Variants in BCAS3 observed in about 807,000 individuals in gnomAD.
BCAS3 encodes the protein BCAS3 microtubule associated cell migration factor, also known as BCAS4/BCAS3 fusion.
Under a neutral mutation model 116.1 loss-of-function variants are expected in BCAS3, and 53 were observed. The observed-to-expected ratio is 0.46, with a 90% confidence interval of 0.37 to 0.57. The LOEUF is 0.57. BCAS3 is among the 20% of genes least tolerant of loss of function. BCAS3 has a pLI of 0.00. For synonymous variants in BCAS3, 391 were observed against 408.2 expected, an observed-to-expected ratio of 0.96 and a Z score of 0.51; for missense variants, 917 against 1,165.4, an observed-to-expected ratio of 0.79 and a Z score of 3.10.
chr17:60,711,964 C>A (rs2037977609), intron 5 of BCAS3, among the ~76,000 whole-genome samples: 1 of 151,818 alleles, frequency 6.6e-6, no homozygotes, highest in Admixed American at 6.6e-5. Flanking sequence ...GAATTCGAGA[C>A]CAGCCTGACC....
Position 61,261,961 on chromosome 17 carries a change from A to G in BCAS3, c.2426-106366A>G, listed in dbSNP as rs1013088160. Among the ~76,000 whole-genome samples the G allele has an allele frequency of 5.3e-5, 8 of 152,202 alleles. No individual in the cohort carries two copies. Among genetic ancestry groups the G allele is most frequent in the African/African-American group, 1.9e-4 (8 of 41,462 alleles). ...AAGAGAAAGCTAAGAGAGATGAGAC[A>G]AGGATGTCCACGAATACCGTTTCTA... On this transcript the variant is annotated intron_variant, in intron 22 of 23. Transcript: ENST00000407086. This position sits in a 1 kb window ranked among gnomAD's most constrained non-coding sequence, Gnocchi z 4.4.
intron 23 of BCAS3, chr17:61,384,541 C>T (rs996460218): frequency 6.6e-5 from 10 of 152,212 alleles, no homozygotes; most frequent in African/African-American, 2.2e-4. Flanking sequence ...AGTGAAGTCT[C>T]GGCCTCCTCG....
intron 10 of BCAS3, among the ~76,000 whole-genome samples, chr17:60,900,886 C>T (rs2057847745): frequency 6.6e-6 from 1 of 151,840 alleles, no homozygotes; most frequent in African/African-American, 2.4e-5. Context: ...TTGTGTAGAA[C>T]TGCTGACTCA....
intron 23 of BCAS3, among the ~76,000 whole-genome samples, chr17:61,371,008 C>T (rs1190819438): frequency 6.6e-6 from 1 of 152,160 alleles, no homozygotes; most frequent in Non-Finnish European, 1.5e-5. Flanking sequence ...ATGAGGTATC[C>T]CCAAGTGTTT....
At chr17:60,949,111 A>G (rs2145255490) in intron 14 of BCAS3, among the ~76,000 whole-genome samples, 1 of 152,090 alleles carries the variant, frequency 6.6e-6, no homozygotes, top group East Asian at 1.9e-4. Flanking sequence ...TCCTGACCTC[A>G]TGATCCACCT....
rs1361646746 is a variant in BCAS3 at position 61,204,226 on chromosome 17, C to T, written c.2425+119662C>T. Reference sequence around the variant, plus strand: ...TTTCAGTGTTTTATTTTTAAGTCAACACTTTTCTCAAGTTTATTTGTGCTA... The same window carrying T: ...TTTCAGTGTTTTATTTTTAAGTCAATACTTTTCTCAAGTTTATTTGTGCTA... On this transcript the variant is annotated intron_variant, in intron 22 of 23. Transcript: ENST00000407086. This position sits in a 1 kb window ranked among gnomAD's most constrained non-coding sequence, Gnocchi z 4.2. 6.6e-6 allele frequency among the ~76,000 whole-genome samples: 1 copy of T among 152,112 alleles called. No individual in the cohort carries two copies. Among genetic ancestry groups the T allele is most frequent in the East Asian group, 1.9e-4 (1 of 5,196 alleles).
chr17:61,298,791 ATTAT>A (rs144760223), intron 22 of BCAS3, among the ~76,000 whole-genome samples: 52,217 of 145,270 alleles, frequency 0.36, 10,248 homozygotes, highest in African/African-American at 0.42. Context: ...GTCACATGCC[ATTAT>A]TTATTTATTT....
intron 13 of BCAS3, among the ~76,000 whole-genome samples, chr17:60,929,386 C>T (rs2059523239): frequency 6.6e-6 from 1 of 152,116 alleles, no homozygotes; most frequent in African/African-American, 2.4e-5. Flanking sequence ...TCTGATCCCA[C>T]CATTGCACTC....
rs2143593954 is a variant in BCAS3 at position 61,377,812 on chromosome 17, TC to T, written c.2593+9322del. On this transcript the variant is annotated intron_variant, in intron 23 of 23. Transcript: ENST00000407086. This position sits in a 1 kb window ranked among gnomAD's most constrained non-coding sequence, Gnocchi z 4.6. The stretch of plus-strand genomic sequence containing the variant: ...TGTCAGAGCACTGCCAGGTAGACCT[TC>T]CCCTCTCCAGTTTACAAAGGAGGAA... The T allele has an allele frequency of 6.6e-6, 1 of 152,300 alleles. No individual in the cohort carries two copies. Among genetic ancestry groups the T allele is most frequent in the East Asian group, 1.9e-4 (1 of 5,190 alleles). The allele number at this position is 152,300 out of a possible 1,614,324, so 9.4% of individuals were successfully genotyped here. A position where few individuals can be genotyped will look rare whatever the true frequency, so the allele number is the denominator to read the frequency against.
chr17:60,722,044 A>G (rs1025305653), intron 5 of BCAS3, among the ~76,000 whole-genome samples: 3 of 152,174 alleles, frequency 2.0e-5, no homozygotes, highest in East Asian at 1.9e-4. Flanking sequence ...TGTAACATTA[A>G]TTTTGCTGTG....
intron 16 of BCAS3, among the ~76,000 whole-genome samples, chr17:61,024,154 C>A (rs1030761377): frequency 2.3e-4 from 35 of 152,220 alleles, no homozygotes; most frequent in Admixed American, 1.2e-3. Flanking sequence ...TATTTTCATT[C>A]CTTTGCTACT....
At chr17:61,101,315 A>C (rs2074314942) in intron 22 of BCAS3, among the ~76,000 whole-genome samples, 1 of 152,136 alleles carries the variant, frequency 6.6e-6, no homozygotes, top group Non-Finnish European at 1.5e-5. Context: ...GTGGTTTCTT[A>C]AGCTGAAAAA....
At chr17:61,297,425 GGT>G (rs897686490) in intron 22 of BCAS3, among the ~76,000 whole-genome samples, 4 of 152,110 alleles carry the variant, frequency 2.6e-5, no homozygotes, top group Admixed American at 6.5e-5. Flanking sequence ...GTGATCTAGT[GGT>G]GTGTGTGTAT....
chr17:61,040,916 T>C (rs778185270), intron 19 of BCAS3, 24 bp downstream of exon 19: 5 of 1,568,962 alleles, frequency 3.2e-6, no homozygotes, highest in Admixed American at 1.7e-5. Flanking sequence ...ATTTTTTTTT[T>C]CCTTTCGTAT....
chr17:60,957,332 A>C (rs1264369684), intron 14 of BCAS3, among the ~76,000 whole-genome samples: 1 of 152,176 alleles, frequency 6.6e-6, no homozygotes, highest in Non-Finnish European at 1.5e-5. Flanking sequence ...TAACTATTTG[A>C]TGGTCATTTT....
At chr17:60,732,347 G>A (rs2040542333) in intron 5 of BCAS3, among the ~76,000 whole-genome samples, 2 of 152,088 alleles carry the variant, frequency 1.3e-5, no homozygotes, top group South Asian at 2.1e-4. Flanking sequence ...TTTTTAGATC[G>A]CTGGTAGCAA....
At chr17:61,216,916 C>T (rs1341985525) in intron 22 of BCAS3, among the ~76,000 whole-genome samples, 1 of 152,020 alleles carries the variant, frequency 6.6e-6, no homozygotes, top group Non-Finnish European at 1.5e-5. Context: ...TGTGCATCTG[C>T]TTGAATCTAA....
At chr17:60,942,296 G>A (rs966862409) in intron 13 of BCAS3, among the ~76,000 whole-genome samples, 2 of 152,048 alleles carry the variant, frequency 1.3e-5, no homozygotes, top group East Asian at 1.9e-4. Flanking sequence ...GCGTGGCGGC[G>A]GGCGCCTGTG....
intron 22 of BCAS3, among the ~76,000 whole-genome samples, chr17:61,138,497 C>T (rs770801142): frequency 1.3e-5 from 2 of 152,182 alleles, no homozygotes; most frequent in African/African-American, 2.4e-5. Context: ...GGGGTAAATT[C>T]ATACTCCAGT....
Sources: gnomAD v4.1 joint callset for allele counts (sites outside exome capture counted in the v4.1 genomes callset) on GRCh38, gnomAD v4.1.1 for gene constraint, Gnocchi (gnomAD v3.1) non-coding constraint, MANE v1.5 for transcripts, NCBI Gene and HGNC (gene_info 2026-07-23, HGNC 2026-07-21) for gene names.